PDE1C: variants seen among roughly 807,000 people sequenced by gnomAD.
PDE1C encodes the protein phosphodiesterase 1C.
A neutral mutation model predicts 93.1 loss-of-function variants in PDE1C; 62 were observed. The ratio of observed to expected loss-of-function variants is 0.67; its 90% CI spans 0.54 to 0.82. The LOEUF (loss-of-function observed/expected upper bound fraction) is 0.82. PDE1C is among the 40% of genes least tolerant of loss of function. The pLI is 0.00. For missense variants in PDE1C, 742 were observed against 884.6 expected, an observed-to-expected ratio of 0.84 and a Z score of 2.04; for synonymous variants, 325 against 310.1, an observed-to-expected ratio of 1.05 and a Z score of -0.50.
intron 2 of PDE1C, among the ~76,000 whole-genome samples, chr7:31,995,962 T>C (rs942606861): frequency 1.3e-5 from 2 of 151,764 alleles, no homozygotes; most frequent in African/African-American, 2.4e-5. Flanking sequence ...CCAAAAAGCA[T>C]AGGTTTCTTG....
chr7:31,639,300 T>C, the PDE1C span, among the ~76,000 whole-genome samples: 1 of 152,156 alleles, frequency 6.6e-6, no homozygotes, highest in Non-Finnish European at 1.5e-5. Flanking sequence ...TAAATCTCTA[T>C]GTTTCATTTG....
intron 2 of PDE1C, among the ~76,000 whole-genome samples, chr7:31,935,770 T>C (rs1372782866): frequency 6.6e-6 from 1 of 152,134 alleles, no homozygotes; most frequent in Admixed American, 6.6e-5. Context: ...GAATGACCCT[T>C]GCACTAAAGT....
At chr7:32,050,982 G>C (rs778260673) in intron 2 of PDE1C, among the ~76,000 whole-genome samples, 3 of 152,068 alleles carry the variant, frequency 2.0e-5, no homozygotes, top group Non-Finnish European at 2.9e-5. Context: ...ATCCCTCATG[G>C]CTCCTTATGC....
At chr7:31,855,486 T>G (rs1793895497) in intron 7 of PDE1C, among the ~76,000 whole-genome samples, 1 of 152,016 alleles carries the variant, frequency 6.6e-6, no homozygotes. Flanking sequence ...TATAATCCAA[T>G]GTAACATATT....
At chr7:32,008,787 A>G (rs1786634271) in intron 2 of PDE1C, among the ~76,000 whole-genome samples, 2 of 152,244 alleles carry the variant, frequency 1.3e-5, no homozygotes, top group African/African-American at 4.8e-5. Flanking sequence ...GCCATGTTTC[A>G]GCATCAAATA....
the PDE1C span, among the ~76,000 whole-genome samples, chr7:31,700,974 G>A: frequency 7.2e-4 from 110 of 152,276 alleles, 2 homozygotes; most frequent in East Asian, 0.019. Context: ...CTCTGATGGA[G>A]GCACACAAGG....
At chr7:31,646,142 T>G in the PDE1C span, among the ~76,000 whole-genome samples, 1 of 152,190 alleles carries the variant, frequency 6.6e-6, no homozygotes, top group Admixed American at 6.5e-5. Flanking sequence ...TTAAGTCATA[T>G]TTAGTTGTCT....
the PDE1C span, chr7:31,653,623 T>A: frequency 1.3e-5 from 2 of 152,112 alleles, no homozygotes; most frequent in Non-Finnish European, 2.9e-5. Context: ...ATTTAGCTTT[T>A]AAAAAAATCT....
chr7:32,087,180 A>C (rs1416430876), intron 3 of PDE1C, among the ~76,000 whole-genome samples: 1 of 150,320 alleles, frequency 6.7e-6, no homozygotes, highest in African/African-American at 2.4e-5. Flanking sequence ...CCCATCAAAA[A>C]GTGGGCGAAG....
chr7:32,338,949 C>G (rs1183374018), intron 1 of PDE1C, among the ~76,000 whole-genome samples: 1 of 151,406 alleles, frequency 6.6e-6, no homozygotes, highest in East Asian at 1.9e-4. Context: ...CTTGCAGTGA[C>G]CCGAGATCGT....
chr7:31,940,636 T>G lies in PDE1C; in HGVS notation c.129-59776A>C, dbSNP rs141486624. Reference sequence around the variant, plus strand: ...TGCCCTGAGGCATTTAGAAGAGTGATTATGAGGCAGAGCTTCCCTGAAGGG... The same window carrying G: ...TGCCCTGAGGCATTTAGAAGAGTGAGTATGAGGCAGAGCTTCCCTGAAGGG... On this transcript the variant is annotated intron_variant, in intron 2 of 17. Transcript: ENST00000396191. Among the ~76,000 whole-genome samples the G allele has an allele frequency of 2.6e-4, 40 of 152,146 alleles. No individual in the cohort carries two copies. In the East Asian group the frequency reaches 7.5e-3, roughly 29 times the overall value.
At chr7:31,643,294 T>A in the PDE1C span, 1 of 1,613,770 alleles carries the variant, frequency 6.2e-7, no homozygotes, top group Non-Finnish European at 8.5e-7. Context: ...CTCATCACAG[T>A]GTATCCCCAA....
At chr7:32,219,962 G>A (rs573614948) in intron 1 of PDE1C, among the ~76,000 whole-genome samples, 3 of 152,110 alleles carry the variant, frequency 2.0e-5, no homozygotes, top group Non-Finnish European at 2.9e-5. Context: ...TAAGTCTCAC[G>A]AGATCTGATG....
At chr7:31,655,981 A>T in the PDE1C span, 1 of 984,794 alleles carries the variant, frequency 1.0e-6, no homozygotes, top group Non-Finnish European at 1.2e-6. Flanking sequence ...CCCCTAAACC[A>T]CCTCCTGTGT....
Position 31,873,410 on chromosome 7 carries a change from T to C in PDE1C, c.493-2A>G. The stretch of plus-strand genomic sequence containing the variant: ...GTCAAAGGACCACTTGTCCACATCC[T>C]GCAGGACAGGGTGGGGAGAAAGAAC... On this transcript the variant is annotated splice_acceptor_variant, in intron 5 of 17. Transcript: ENST00000396191. LOFTEE classifies it high-confidence loss of function. 2 of 1,584,518 alleles carry C rather than the reference T, an allele frequency of 1.3e-6. No homozygotes were observed. Among genetic ancestry groups the C allele is most frequent in the East Asian group, 2.2e-5 (1 of 44,678 alleles).
upstream of PDE1C, among the ~76,000 whole-genome samples, chr7:32,300,790 A>G (rs1201076400): frequency 6.6e-6 from 1 of 152,202 alleles, no homozygotes; most frequent in African/African-American, 2.4e-5. Context: ...TTTTATATGT[A>G]ACATTTTATA....
intron 1 of PDE1C, among the ~76,000 whole-genome samples, chr7:32,055,495 A>G (rs1056067206): frequency 6.6e-5 from 10 of 152,342 alleles, no homozygotes; most frequent in African/African-American, 2.4e-4. Context: ...AAGCCTTCAA[A>G]GAAAATTAAG....
intron 17 of PDE1C, among the ~76,000 whole-genome samples, chr7:31,766,929 T>G (rs1341556825): frequency 6.6e-6 from 1 of 152,232 alleles, no homozygotes; most frequent in Middle Eastern, 3.2e-3. Flanking sequence ...TACTATGCAT[T>G]AGCAAACCTA....
the PDE1C span, among the ~76,000 whole-genome samples, chr7:31,656,766 TTTA>T: frequency 6.6e-6 from 1 of 152,108 alleles, no homozygotes; most frequent in African/African-American, 2.4e-5. Context: ...GAAAAGACCA[TTTA>T]TTATTTTCTG....
Sources: allele counts gnomAD v4.1 joint callset (sites outside exome capture counted in the v4.1 genomes callset), GRCh38; gene constraint gnomAD v4.1.1; transcripts MANE v1.5; gene names NCBI Gene and HGNC (gene_info 2026-07-23, HGNC 2026-07-21).